NOX3: variants seen among roughly 807,000 people sequenced by gnomAD.
NOX3 encodes the protein NADPH oxidase catalytic subunit-like 3.
Under a neutral mutation model 76.7 loss-of-function variants are expected in NOX3, and 74 were observed. The ratio of observed to expected loss-of-function variants is 0.96; its 90% CI spans 0.80 to 1.17. The LOEUF is 1.17. Among genes scored for constraint, NOX3 ranks in the 50% most tolerant of loss-of-function variants. The probability of loss-of-function intolerance (pLI) is 0.00; values close to 1 mark genes in which losing one functional copy is unlikely to be tolerated. For missense variants in NOX3, 695 were observed against 703.3 expected, an observed-to-expected ratio of 0.99 and a Z score of 0.13; for synonymous variants, 263 against 261.1, an observed-to-expected ratio of 1.01 and a Z score of -0.07.
intron 12 of NOX3, among the ~76,000 whole-genome samples, chr6:155,405,032 C>A (rs188144786): frequency 4.5e-4 from 69 of 151,996 alleles, no homozygotes; most frequent in African/African-American, 1.5e-3. Context: ...AAAGGAGCAG[C>A]CAAAATGACC....
At chr6:155,407,305 T>C (rs1776478078) in intron 11 of NOX3, 51 bp from the exon 12 acceptor site, 2 of 1,493,896 alleles carry the variant, frequency 1.3e-6, no homozygotes, top group Non-Finnish European at 1.8e-6. Context: ...AAAATAAGAC[T>C]TCTATAAATA....
At chr6:155,405,461 G>T (rs1342286207) in intron 12 of NOX3, among the ~76,000 whole-genome samples, 4 of 152,096 alleles carry the variant, frequency 2.6e-5, no homozygotes, top group Non-Finnish European at 5.9e-5. Flanking sequence ...CAGTTTCACG[G>T]CTCCAAACAG....
chr6:155,428,225 G>T (rs1270542370), intron 9 of NOX3, among the ~76,000 whole-genome samples: 1 of 152,220 alleles, frequency 6.6e-6, no homozygotes, highest in African/African-American at 2.4e-5. Context: ...TGGGTTGAGT[G>T]TGTCCCCCAT....
chr6:155,406,978 C>T lies in NOX3; in HGVS notation c.1580+152G>A, dbSNP rs796404970. ...AAGCCAGTTCAGGAGAGGCTTGTGG[C>T]CCCTGAAATATACCATTGATCACCT... is the stretch of plus-strand genomic sequence containing the variant. On this transcript the variant is annotated intron_variant, in intron 12 of 13. Coordinates refer to ENST00000159060, the MANE Select transcript of NOX3 (RefSeq NM_015718.3). The T allele has an allele frequency of 4.6e-5, 36 of 787,788 alleles. No homozygotes were observed. The African/African-American group carries it at 5.5e-4, about 12-fold the overall frequency. 48.8% of individuals were successfully genotyped at this position (787,788 alleles called of 1,614,324 possible). A position where few individuals can be genotyped will look rare whatever the true frequency, so the allele number is the denominator to read the frequency against.
intron 7 of NOX3, among the ~76,000 whole-genome samples, chr6:155,432,273 T>G (rs931604517): frequency 2.6e-5 from 4 of 152,104 alleles, no homozygotes; most frequent in African/African-American, 9.7e-5. Flanking sequence ...ATTCTGGGAA[T>G]GGGTCTGAGT....
intron 10 of NOX3, among the ~76,000 whole-genome samples, chr6:155,417,536 C>T (rs941704236): frequency 6.6e-6 from 1 of 152,006 alleles, no homozygotes; most frequent in Non-Finnish European, 1.5e-5. Flanking sequence ...CTTTTGAGGC[C>T]CTCCGAGGAA....
At chr6:155,453,122 T>C (rs1777168464) in intron 4 of NOX3, among the ~76,000 whole-genome samples, 1 of 152,240 alleles carries the variant, frequency 6.6e-6, no homozygotes, top group Admixed American at 6.5e-5. Flanking sequence ...TGTCCCTTTT[T>C]CAAGTAAGTA....
intron 8 of NOX3, 65 bp from the exon 9 acceptor site, chr6:155,429,112 C>A: frequency 1.4e-6 from 2 of 1,400,548 alleles, no homozygotes; most frequent in Non-Finnish European, 1.9e-6. Context: ...CCTTTCATTC[C>A]ATCAAAGGTG....
chr6:155,403,741 C>A (rs1184836178), intron 12 of NOX3, among the ~76,000 whole-genome samples: 2 of 152,048 alleles, frequency 1.3e-5, no homozygotes, highest in Non-Finnish European at 2.9e-5. Context: ...TTGGACAGGC[C>A]CACTTCTCAG....
chr6:155,404,661 T>C (rs867506960), intron 12 of NOX3, among the ~76,000 whole-genome samples: 20 of 152,270 alleles, frequency 1.3e-4, no homozygotes, highest in Middle Eastern at 3.4e-3. Context: ...TGGAAAGCCT[T>C]TACTCCCTGG....
intron 4 of NOX3, among the ~76,000 whole-genome samples, chr6:155,449,126 C>T (rs1478404462): frequency 2.0e-5 from 3 of 152,186 alleles, no homozygotes; most frequent in Admixed American, 2.0e-4. Flanking sequence ...GGGCTATTCT[C>T]AAGCCTGGGT....
rs769628869 is a variant in NOX3 at position 155,407,219 on chromosome 6, A to C, written c.1491T>G (p.Thr497=). The change falls in exon 12 of 14, where the codon ACT becomes ACG. Residue 497 remains threonine, a synonymous_variant. Coordinates refer to ENST00000159060, the MANE Select transcript of NOX3 (RefSeq NM_015718.3). ...TCTGCTTTAAGCCTGTAATCACGTCAGTATTTTCGTCCCAGTGTAAAGCTA... is the reference window on the plus strand; with the variant it reads ...TCTGCTTTAAGCCTGTAATCACGTCCGTATTTTCGTCCCAGTGTAAAGCTA... ...LHIALHWDEN[T]DVITGLKQKT... is the part of the protein sequence containing the mutation. The C allele has an allele frequency of 6.2e-7, 1 of 1,614,028 alleles. No individual in the cohort carries two copies. The highest frequency in any genetic ancestry group is 2.2e-5 in the East Asian group (1 of 44,878).
intron 10 of NOX3, among the ~76,000 whole-genome samples, chr6:155,412,699 C>G (rs528835973): frequency 6.6e-6 from 1 of 152,152 alleles, no homozygotes; most frequent in Non-Finnish European, 1.5e-5. Context: ...AGAGCTAAGC[C>G]GGGGTTCCCT....
At chr6:155,414,080 T>C (rs528639845) in intron 10 of NOX3, among the ~76,000 whole-genome samples, 8 of 152,310 alleles carry the variant, frequency 5.3e-5, no homozygotes, top group Non-Finnish European at 1.2e-4. Flanking sequence ...GCTTTGTGTG[T>C]TTTTCCCTCC....
Position 155,455,119 on chromosome 6 carries a change from A to T in NOX3, c.59T>A (p.Leu20Gln), listed in dbSNP as rs755788943. ...AATAAACAGATAAAAATTTATTCCC[A>T]GCCATGAGAGCTAGAGTAGAAAGGA... ...GLSTILVLSW[L>Q]GINFYLFIDT... The change falls in exon 2 of 14, where the codon CTG (leucine) becomes CAG (glutamine). Residue 20 changes from leucine (L) to glutamine (Q), a missense_variant. Transcript: ENST00000159060. The T allele has an allele frequency of 1.3e-5, 21 of 1,607,916 alleles. No homozygotes were observed. The highest frequency in any genetic ancestry group is 1.8e-5 in the Non-Finnish European group (21 of 1,175,108).
chr6:155,411,362 T>A lies in NOX3; in HGVS notation c.1309-2A>T. ...CCGGCAAATCCAGTAGAAATACACC[T>A]GTCAAGAGAGAAGGCAAGTGAACGG... On this transcript the variant is annotated splice_acceptor_variant, in intron 10 of 13. Transcript: ENST00000159060. LOFTEE classifies it high-confidence loss of function. 1.2e-6 allele frequency: 2 copies of A among 1,611,818 alleles called. No individual in the cohort carries two copies. Among genetic ancestry groups the A allele is most frequent in the East Asian group, 2.2e-5 (1 of 44,804 alleles).
intron 8 of NOX3, among the ~76,000 whole-genome samples, chr6:155,429,488 G>C (rs1333868294): frequency 6.6e-6 from 1 of 152,178 alleles, no homozygotes; most frequent in East Asian, 1.9e-4. Context: ...TCAATGTCTT[G>C]TGAATTAACC....
At chr6:155,431,413 A>AACACACACACACACACACACACAC (rs61041630) in intron 7 of NOX3, among the ~76,000 whole-genome samples, 2 of 144,642 alleles carry the variant, frequency 1.4e-5, no homozygotes, top group East Asian at 2.1e-4. Context: ...TAAACACAGA[A>AACACACACACACACACACACACAC]ACACACACAC....
intron 7 of NOX3, among the ~76,000 whole-genome samples, chr6:155,432,408 C>T (rs1011406895): frequency 2.8e-4 from 34 of 123,308 alleles, no homozygotes; most frequent in East Asian, 4.6e-4. Context: ...GTATCTGGGG[C>T]GGGGGGTGGG....
Sources: allele counts gnomAD v4.1 joint callset (sites outside exome capture counted in the v4.1 genomes callset), GRCh38; gene constraint gnomAD v4.1.1; transcripts MANE v1.5; gene names NCBI Gene and HGNC (gene_info 2026-07-23, HGNC 2026-07-21).